Variants in GSTCD observed in about 807,000 individuals in gnomAD.
GSTCD encodes the protein glutathione S-transferase C-terminal domain containing, also known as glutathione S-transferase C-terminal domain-containing protein.
GSTCD carries 44 observed loss-of-function variants against 68.3 expected under a neutral mutation model. That is an observed-to-expected ratio of 0.64 (90% CI 0.51 to 0.83). The LOEUF (loss-of-function observed/expected upper bound fraction) is 0.83, where lower values mean the gene tolerates loss of function less well. Ranked by LOEUF, GSTCD falls within the 40% of genes least tolerant of loss-of-function variation. The pLI, the probability that GSTCD is intolerant of heterozygous loss-of-function variation, is 0.00. For missense variants in GSTCD, 739 were observed against 735.9 expected (o/e 1.00, Z -0.05); for synonymous variants, 273 against 255.2 (o/e 1.07, Z -0.67).
chr4:105,797,078 G>GTA (rs149142373), intron 5 of GSTCD, among the ~76,000 whole-genome samples: 1 of 150,986 alleles, frequency 6.6e-6, no homozygotes, highest in Non-Finnish European at 1.5e-5. Flanking sequence ...GTGTGTGTGT[G>GTA]TATGTGTGTG....
chr4:105,788,849 A>G (rs1735560249), intron 5 of GSTCD, among the ~76,000 whole-genome samples: 2 of 151,944 alleles, frequency 1.3e-5, no homozygotes, highest in South Asian at 4.1e-4. Flanking sequence ...TTTTTAATGC[A>G]AAGACTGCCA....
At position 105,769,233 on chromosome 4, in the gene GSTCD, G is replaced by GATCACA. The variant is rs139425249; in HGVS notation, c.1240+39734_1240+39735insATCACA. Among the ~76,000 whole-genome samples the GATCACA allele has an allele frequency of 9.6e-3, 1,411 of 146,330 alleles. 28 individuals are homozygous for GATCACA. The highest frequency in any genetic ancestry group is 0.034 in the African/African-American group (1,328 of 39,616). On this transcript the variant is annotated intron_variant, in intron 5 of 11. Transcript: ENST00000515279. ...TTTTAAAAATATACTATACACGCGC[G>GATCACA]CACACACACACACACACACACACAC... is the stretch of plus-strand genomic sequence containing the variant.
intron 11 of GSTCD, among the ~76,000 whole-genome samples, chr4:105,842,336 T>C (rs1412160263): frequency 6.6e-6 from 1 of 152,236 alleles, no homozygotes; most frequent in Non-Finnish European, 1.5e-5. Flanking sequence ...TGGTTAACTT[T>C]AATACTTTTA....
intron 5 of GSTCD, among the ~76,000 whole-genome samples, chr4:105,787,773 T>G (rs1735519374): frequency 6.6e-6 from 1 of 152,084 alleles, no homozygotes; most frequent in Non-Finnish European, 1.5e-5. Context: ...GAAAGCTTTT[T>G]TCCCCCCTTG....
chr4:105,709,267 G>C (rs1295573474), intron 1 of GSTCD: 1 of 152,324 alleles, frequency 6.6e-6, no homozygotes, highest in Non-Finnish European at 1.5e-5. Flanking sequence ...CCCCTAGCCA[G>C]TCCCTCATGT....
chr4:105,733,995 A>T (rs1363547802), intron 5 of GSTCD, among the ~76,000 whole-genome samples: 2 of 152,184 alleles, frequency 1.3e-5, no homozygotes, highest in Non-Finnish European at 2.9e-5. Context: ...TCTTTTCTTT[A>T]AGAATGTTGA....
Position 105,846,476 on chromosome 4 carries a change from G to A in GSTCD, c.*899G>A, listed in dbSNP as rs996525245. On this transcript the variant is annotated 3_prime_UTR_variant, in exon 12 of 12. Transcript: ENST00000515279. ...ATAAATTTCCTATTACGGGAATGTG[G>A]AATTTGGACATACATTTTAACAATA... The A allele has an allele frequency of 6.6e-6, 1 of 152,196 alleles. No homozygotes were observed. The highest frequency in any genetic ancestry group is 1.5e-5 in the Non-Finnish European group (1 of 68,018). The allele number at this position is 152,196 out of a possible 1,614,324, so 9.4% of individuals were successfully genotyped here. A position where few individuals can be genotyped will look rare whatever the true frequency, so the allele number is the denominator to read the frequency against.
intron 5 of GSTCD, among the ~76,000 whole-genome samples, chr4:105,821,540 T>C (rs1023164079): frequency 6.6e-6 from 1 of 151,946 alleles, no homozygotes; most frequent in Non-Finnish European, 1.5e-5. Flanking sequence ...ATTCTTCATA[T>C]TTGAAATTTA....
At chr4:105,773,249 T>C (rs1471727314) in intron 5 of GSTCD, among the ~76,000 whole-genome samples, 1 of 152,168 alleles carries the variant, frequency 6.6e-6, no homozygotes, top group Non-Finnish European at 1.5e-5. Context: ...TTCTCACTTT[T>C]CTTCTTTATT....
At chr4:105,814,629 A>G (rs28416190) in intron 5 of GSTCD, among the ~76,000 whole-genome samples, 6 of 152,044 alleles carry the variant, frequency 3.9e-5, no homozygotes, top group African/African-American at 1.4e-4. Flanking sequence ...ATAAATAAAA[A>G]TAAAAATAAA....
intron 5 of GSTCD, among the ~76,000 whole-genome samples, chr4:105,738,758 A>G (rs1443500073): frequency 6.6e-6 from 1 of 152,104 alleles, no homozygotes; most frequent in Admixed American, 6.5e-5. Flanking sequence ...AGGTTTTTCT[A>G]TATGTAAGAT....
chr4:105,817,710 A>G (rs1211712382), intron 5 of GSTCD, among the ~76,000 whole-genome samples: 3 of 152,008 alleles, frequency 2.0e-5, no homozygotes, highest in Admixed American at 1.3e-4. Context: ...GACTAATTTC[A>G]TGTATTTTCT....
In GSTCD at chr4:105,845,558, T is replaced by G; in HGVS notation, c.1883T>G (p.Ile628Ser). 6.2e-7 allele frequency: 1 copy of G among 1,614,034 alleles called. No individual in the cohort carries two copies. Among genetic ancestry groups the G allele is most frequent in the Non-Finnish European group, 8.5e-7 (1 of 1,179,934 alleles). ...PESCSPKNNM[I>S]VGVPI Reference sequence around the variant, plus strand: ...AGCTGCTCTCCCAAAAATAACATGATTGTGGGAGTCCCCATTTAAAATGAG... The same window carrying G: ...AGCTGCTCTCCCAAAAATAACATGAGTGTGGGAGTCCCCATTTAAAATGAG... The change falls in exon 12 of 12, where the codon ATT becomes AGT. Residue 628 changes from isoleucine to serine, a missense_variant. Transcript: ENST00000515279.
At chr4:105,738,630 G>A (rs544575956) in intron 5 of GSTCD, among the ~76,000 whole-genome samples, 1 of 150,778 alleles carries the variant, frequency 6.6e-6, no homozygotes, top group Admixed American at 6.6e-5. Flanking sequence ...TTTCTTGTTT[G>A]TCTTGTTTGT....
At chr4:105,724,332 G>A (rs1357143860) in intron 3 of GSTCD, among the ~76,000 whole-genome samples, 1 of 151,412 alleles carries the variant, frequency 6.6e-6, no homozygotes, top group Non-Finnish European at 1.5e-5. Context: ...AAATATATGA[G>A]TTTGTATCAG....
At chr4:105,718,910 G>C in intron 2 of GSTCD, 150 bp from the exon 3 acceptor site, 2 of 623,406 alleles carry the variant, frequency 3.2e-6, no homozygotes, top group South Asian at 4.4e-5. Flanking sequence ...TACTTCTGAA[G>C]CACTGTGATG....
chr4:105,756,935 A>G (rs1734220157), intron 5 of GSTCD, among the ~76,000 whole-genome samples: 1 of 152,218 alleles, frequency 6.6e-6, no homozygotes, highest in African/African-American at 2.4e-5. Flanking sequence ...ATTATGTCAC[A>G]GTCACCACTT....
chr4:105,815,977 G>A lies in GSTCD; in HGVS notation c.1241-6977G>A, dbSNP rs138993313. On this transcript the variant is annotated intron_variant, in intron 5 of 11. Transcript: ENST00000515279. ...AAAATATATGTGTTCAATTAACTGT[G>A]GATTCTGGTATTCGGAAATTAAATT... Among the ~76,000 whole-genome samples, 508 of 152,064 alleles carry A rather than the reference G, an allele frequency of 3.3e-3. 4 individuals carry two copies. Among genetic ancestry groups the A allele is most frequent in the African/African-American group, 0.011 (475 of 41,526 alleles).
At chr4:105,784,111 T>A (rs1578472050) in intron 5 of GSTCD, among the ~76,000 whole-genome samples, 2 of 152,252 alleles carry the variant, frequency 1.3e-5, no homozygotes, top group African/African-American at 4.8e-5. Flanking sequence ...ACTTTGCAAT[T>A]AAGTAATTTG....
Sources: gnomAD v4.1 joint callset for allele counts (sites outside exome capture counted in the v4.1 genomes callset) on GRCh38, gnomAD v4.1.1 for gene constraint, MANE v1.5 for transcripts, NCBI Gene and HGNC (gene_info 2026-07-23, HGNC 2026-07-21) for gene names.